The following CNTN4 variants were observed in gnomAD, a reference collection of about 807,000 sequenced individuals.
CNTN4 encodes the protein contactin-4.
In CNTN4, 77 loss-of-function variants were observed where a neutral mutation model predicts 122.5. The observed-to-expected ratio is 0.63, with a 90% CI of 0.52 to 0.76. The LOEUF is 0.76. CNTN4 is among the 30% of genes least tolerant of loss of function. The pLI, the probability that CNTN4 is intolerant of heterozygous loss-of-function variation, is 0.00. For missense variants in CNTN4, 1,256 were observed against 1,259.1 expected, an observed-to-expected ratio of 1.00 and a Z score of 0.04; for synonymous variants, 512 against 447.0, an observed-to-expected ratio of 1.15 and a Z score of -1.83.
intron 13 of CNTN4, among the ~76,000 whole-genome samples, chr3:2,936,736 C>T (rs1361689448): frequency 6.6e-6 from 1 of 152,192 alleles, no homozygotes; most frequent in Non-Finnish European, 1.5e-5. Flanking sequence ...CACATCCAAC[C>T]CTCCACCTGT....
At chr3:2,832,701 C>T (rs966960319) in intron 7 of CNTN4, among the ~76,000 whole-genome samples, 1 of 152,154 alleles carries the variant, frequency 6.6e-6, no homozygotes, top group African/African-American at 2.4e-5. Context: ...CAATAGAAAG[C>T]TCCATTTTTG....
chr3:3,011,077 C>A (rs751267631), intron 14 of CNTN4, among the ~76,000 whole-genome samples: 1 of 152,166 alleles, frequency 6.6e-6, no homozygotes, highest in Non-Finnish European at 1.5e-5. Flanking sequence ...TGGGCATTTG[C>A]GCTGATCTTC....
At chr3:2,677,750 A>C (rs958975871) in intron 4 of CNTN4, among the ~76,000 whole-genome samples, 2 of 152,174 alleles carry the variant, frequency 1.3e-5, no homozygotes, top group Non-Finnish European at 2.9e-5. Context: ...TGAACTTTTA[A>C]AATAGTTGAT....
intron 3 of CNTN4, among the ~76,000 whole-genome samples, chr3:2,415,664 C>T (rs1026266459): frequency 6.6e-6 from 1 of 152,056 alleles, no homozygotes; most frequent in Non-Finnish European, 1.5e-5. Flanking sequence ...TTTCCTTTGC[C>T]TTTTCCTATT....
At chr3:2,695,449 G>A (rs2085975834) in intron 4 of CNTN4, among the ~76,000 whole-genome samples, 1 of 152,148 alleles carries the variant, frequency 6.6e-6, no homozygotes, top group Non-Finnish European at 1.5e-5. Flanking sequence ...CAAGTATATA[G>A]AACTCAAAAT....
intron 13 of CNTN4, among the ~76,000 whole-genome samples, chr3:2,937,525 C>G (rs1253204123): frequency 6.6e-6 from 1 of 152,204 alleles, no homozygotes; most frequent in African/African-American, 2.4e-5. Context: ...CTATTTTATA[C>G]AGGTGCTTTA....
At chr3:3,041,327 G>A (rs978107008) in intron 20 of CNTN4, among the ~76,000 whole-genome samples, 6 of 152,268 alleles carry the variant, frequency 3.9e-5, no homozygotes, top group African/African-American at 1.4e-4. Context: ...ATTGCCAAAG[G>A]ATTTACAATT....
chr3:2,922,219 G>C (rs1056490919), intron 12 of CNTN4, among the ~76,000 whole-genome samples: 2 of 152,182 alleles, frequency 1.3e-5, no homozygotes, highest in African/African-American at 2.4e-5. Context: ...TTTTTTAAGT[G>C]CCAGCGAAGG....
Position 2,988,373 on chromosome 3 carries a change from A to G in CNTN4, c.1387A>G (p.Arg463Gly). 1 of 1,613,780 alleles carries G rather than the reference A, an allele frequency of 6.2e-7. No homozygotes were observed. The highest frequency in any genetic ancestry group is 8.5e-7 in the Non-Finnish European group (1 of 1,179,756). The change falls in exon 14 of 25, where the codon AGA (arginine) becomes GGA (glycine). Residue 463 changes from arginine to glycine, a missense_variant. Coordinates refer to ENST00000418658, the MANE Select transcript of CNTN4 (RefSeq NM_175607.3). ...RITISEDGNL[R>G]IINVTKSDAG... ...TACCATTTCTGAAGATGGAAACCTC[A>G]GAATCATCAACGTTACTAAATCAGA...
chr3:2,409,274 G>A (rs1331320176), intron 3 of CNTN4, among the ~76,000 whole-genome samples: 1 of 133,296 alleles, frequency 7.5e-6, no homozygotes, highest in Non-Finnish European at 1.6e-5. Context: ...TTGAGATAGT[G>A]TCTCGCTCTG....
intron 4 of CNTN4, among the ~76,000 whole-genome samples, chr3:2,643,770 T>G (rs145072876): frequency 2.0e-5 from 3 of 152,178 alleles, no homozygotes; most frequent in African/African-American, 7.2e-5. Flanking sequence ...AAGAGTAGAC[T>G]GAGACCACAC....
chr3:2,866,833 T>A lies in CNTN4; in HGVS notation c.536T>A (p.Leu179Gln), dbSNP rs1430531315. Residue 179 changes from leucine to glutamine, a missense_variant, in exon 8 of 25, where the codon CTG (leucine) becomes CAG (glutamine). Physicochemically the swap from Leu to Gln is moderately radical, Grantham distance 113 (BLOSUM62 -2). Transcript: ENST00000418658. ...TTTGTTTCTCAAGAGACTGGGAATC[T>A]GTATATTGCCAAAGTAGAAAAATCA... ...RRFVSQETGN[L>Q]YIAKVEKSDV... The A allele has an allele frequency of 6.2e-7, 1 of 1,614,014 alleles. No individual in the cohort carries two copies. The highest frequency in any genetic ancestry group is 8.5e-7 in the Non-Finnish European group (1 of 1,179,880).
At chr3:2,926,821 A>G (rs2094477462) in intron 13 of CNTN4, among the ~76,000 whole-genome samples, 1 of 152,144 alleles carries the variant, frequency 6.6e-6, no homozygotes, top group Non-Finnish European at 1.5e-5. Context: ...TAACAAATGT[A>G]TTAAATTTGT....
intron 3 of CNTN4, among the ~76,000 whole-genome samples, chr3:2,452,963 G>A (rs1010377772): frequency 2.0e-5 from 3 of 151,892 alleles, no homozygotes; most frequent in Admixed American, 1.3e-4. Context: ...AAATCTTCCT[G>A]GTTGTACTTT....
chr3:2,902,444 C>G lies in CNTN4; in HGVS notation c.1078-432C>G, dbSNP rs80036445. 5.6e-3 allele frequency among the ~76,000 whole-genome samples: 855 copies of G among 152,222 alleles called. 11 individuals carry two copies. Among genetic ancestry groups the G allele is most frequent in the African/African-American group, 0.019 (796 of 41,534 alleles). On this transcript the variant is annotated intron_variant, in intron 11 of 24. Coordinates refer to ENST00000418658, the MANE Select transcript of CNTN4 (RefSeq NM_175607.3). ...CCTCTGTTTCATCCAAGATTGTAAT[C>G]CTATTAACCTTCAAAGTATCACCTG...
chr3:2,537,116 A>C (rs866335567), intron 3 of CNTN4, among the ~76,000 whole-genome samples: 2 of 152,090 alleles, frequency 1.3e-5, no homozygotes, highest in Non-Finnish European at 2.9e-5. Flanking sequence ...TTTGGGGGGA[A>C]TATTGTGTTT....
intron 2 of CNTN4, among the ~76,000 whole-genome samples, chr3:2,282,207 T>A (rs2041741870): frequency 6.6e-6 from 1 of 152,204 alleles, no homozygotes; most frequent in South Asian, 2.1e-4. Context: ...GTGGATTTTA[T>A]GAGGCCAGTC....
chr3:2,765,089 G>C (rs2016326), intron 6 of CNTN4, among the ~76,000 whole-genome samples: 149,994 of 152,328 alleles, frequency 0.98, 73,892 homozygotes, highest in East Asian at 1. Flanking sequence ...GAATTTGATG[G>C]TAATAAAATA....
chr3:2,695,326 A>G (rs193287026), intron 4 of CNTN4, among the ~76,000 whole-genome samples: 2 of 152,268 alleles, frequency 1.3e-5, no homozygotes, highest in East Asian at 1.9e-4. Context: ...AGCCAGCCCT[A>G]TTTCTGTCAC....
Sources: allele counts gnomAD v4.1 joint callset (sites outside exome capture counted in the v4.1 genomes callset), GRCh38; gene constraint gnomAD v4.1.1; transcripts MANE v1.5; gene names NCBI Gene and HGNC (gene_info 2026-07-23, HGNC 2026-07-21).